Variants in DHX57 observed in about 807,000 individuals in gnomAD.
The protein encoded by DHX57 is putative ATP-dependent RNA helicase DHX57.
In DHX57, 105 loss-of-function variants were observed where a neutral mutation model predicts 156.2. The ratio of observed to expected loss-of-function variants is 0.67; its 90% CI spans 0.57 to 0.79. DHX57 has a LOEUF of 0.79. Ranked by LOEUF, DHX57 falls within the 30% of genes least tolerant of loss-of-function variation. DHX57 has a pLI of 0.00. For missense variants in DHX57, 1,847 were observed against 1,661.9 expected, an observed-to-expected ratio of 1.11 and a Z score of -1.94; for synonymous variants, 704 against 595.6, an observed-to-expected ratio of 1.18 and a Z score of -2.65.
intron 20 of DHX57, among the ~76,000 whole-genome samples, chr2:38,815,300 A>C (rs577006397): frequency 1.6e-4 from 25 of 152,104 alleles, no homozygotes; most frequent in African/African-American, 5.8e-4. Flanking sequence ...CCTGAGCTCA[A>C]GCAATCCACC....
At chr2:38,836,423 C>T (rs1056205035) in intron 13 of DHX57, among the ~76,000 whole-genome samples, 1 of 152,108 alleles carries the variant, frequency 6.6e-6, no homozygotes, top group Non-Finnish European at 1.5e-5. Context: ...TATATTTTCT[C>T]TTCCTTATGA....
In DHX57 at chr2:38,828,452, G is replaced by C. The variant is rs375493410; in HGVS notation, c.2543-16C>G. On this transcript the variant is annotated splice_polypyrimidine_tract_variant and intron_variant, in intron 13 of 23. Transcript: ENST00000457308. The stretch of plus-strand genomic sequence containing the variant: ...AGTATAGCACCTGGGTATATAAAAA[G>C]AATCAATATGTGGGTAAGCATAGGC... The C allele has an allele frequency of 1.3e-6, 2 of 1,572,092 alleles. No homozygotes were observed. The highest frequency in any genetic ancestry group is 1.7e-6 in the Non-Finnish European group (2 of 1,152,392).
At chr2:38,816,055 T>C (rs1670531849) in intron 19 of DHX57, 1 of 462,600 alleles carries the variant, frequency 2.2e-6, no homozygotes, top group East Asian at 6.9e-5. Flanking sequence ...ACCTAGCTTT[T>C]CCTACTTGCA....
intron 21 of DHX57, 66 bp from the exon 22 acceptor site, chr2:38,806,759 G>C (rs980432803): frequency 9.2e-5 from 134 of 1,460,556 alleles, no homozygotes; most frequent in Middle Eastern, 4.3e-4. Flanking sequence ...GTATCTCTTG[G>C]CACAAAAGCA....
Position 38,802,721 on chromosome 2 carries a change from G to T in DHX57, c.4011C>A (p.Ser1337=). 1 of 1,613,898 alleles carries T rather than the reference G, an allele frequency of 6.2e-7. No individual in the cohort carries two copies. The highest frequency in any genetic ancestry group is 2.2e-5 in the East Asian group (1 of 44,886). The change falls in exon 23 of 24, where the codon TCC becomes TCA. Residue 1337 remains serine, a synonymous_variant. Transcript: ENST00000457308. ...DDGWIRFVAA[S]HQVAELVKEL... ...AGACCAATTCTGCCTTTACCTGATG[G>T]GAAGCAGCTACAAAACGGATCCAAC... is the stretch of plus-strand genomic sequence containing the variant.
In DHX57 at chr2:38,823,221, G is replaced by C. The variant is rs1670918213; in HGVS notation, c.3063C>G (p.Phe1021Leu). The change falls in exon 17 of 24, where the codon TTC (phenylalanine) becomes TTG (leucine). Residue 1021 changes from phenylalanine (F) to leucine (L), a missense_variant. Coordinates refer to ENST00000457308, the MANE Select transcript of DHX57 (RefSeq NM_198963.3). ...MFSAHNLQSV[F>L]SRLIEPPHTD... ...TGTGTGGAGGTTCAATGAGCCGAGAGAACACAGACTGGAGATTATGAGCAC... is the reference window on the plus strand; with the variant it reads ...TGTGTGGAGGTTCAATGAGCCGAGACAACACAGACTGGAGATTATGAGCAC... The C allele has an allele frequency of 1.2e-6, 2 of 1,614,112 alleles. No individual in the cohort carries two copies. Among genetic ancestry groups the C allele is most frequent in the Non-Finnish European group, 1.7e-6 (2 of 1,180,030 alleles).
rs1056333923 is a variant in DHX57, at chr2:38,833,935, T to G, written c.2542+3896A>C. Among the ~76,000 whole-genome samples, 6 of 152,228 alleles carry G rather than the reference T, an allele frequency of 3.9e-5. No individual in the cohort carries two copies. In the South Asian group the frequency reaches 6.2e-4, roughly 16 times the overall value. On this transcript the variant is annotated intron_variant, in intron 13 of 23. Coordinates refer to ENST00000457308, the MANE Select transcript of DHX57 (RefSeq NM_198963.3). ...TTATATCATAAAATACACACAAACC[T>G]ATTATAAAAGGTTAAAATAATCAAA...
chr2:38,798,204 C>T lies in DHX57; in HGVS notation c.*95G>A, dbSNP rs1299613408. ...CCCTGGGCTCCTCCACCAGGGCCAG[C>T]CCCAATAGGTCTTTAGTTCGAGGTA... On this transcript the variant is annotated 3_prime_UTR_variant, in exon 24 of 24. Coordinates refer to ENST00000457308, the MANE Select transcript of DHX57 (RefSeq NM_198963.3). The T allele has an allele frequency of 2.7e-6, 4 of 1,507,282 alleles. 1 individual carries two copies. Among genetic ancestry groups the T allele is most frequent in the Middle Eastern group, 3.6e-4 (2 of 5,580 alleles). 93.4% of individuals were successfully genotyped at this position (1,507,282 alleles called of 1,614,324 possible).
intron 21 of DHX57, chr2:38,811,324 A>G (rs761830386): frequency 1.9e-6 from 1 of 523,238 alleles, no homozygotes; most frequent in Non-Finnish European, 3.8e-6. Context: ...TTCCCATGGC[A>G]CTGTGGGACA....
chr2:38,872,244 A>G (rs555574001), intron 1 of DHX57, among the ~76,000 whole-genome samples: 1 of 152,238 alleles, frequency 6.6e-6, no homozygotes, highest in Non-Finnish European at 1.5e-5. Context: ...CAAAGCAATC[A>G]CAAAAATACT....
intron 2 of DHX57, 45 bp from the exon 3 acceptor site, chr2:38,863,564 G>C (rs1278483249): frequency 1.9e-6 from 3 of 1,579,378 alleles, no homozygotes; most frequent in Non-Finnish European, 2.6e-6. Context: ...TCTTCAATCA[G>C]AACTTTTACA....
chr2:38,838,312 G>A (rs1671794185), intron 12 of DHX57, among the ~76,000 whole-genome samples: 1 of 152,052 alleles, frequency 6.6e-6, no homozygotes, highest in African/African-American at 2.4e-5. Context: ...TGTTGCCCAG[G>A]CTGGTCTCGA....
chr2:38,801,619 A>C (rs1383979927), intron 23 of DHX57, among the ~76,000 whole-genome samples: 1 of 140,108 alleles, frequency 7.1e-6, no homozygotes, highest in Non-Finnish European at 1.5e-5. Flanking sequence ...TTTGAGATGG[A>C]GTTTCCCTCT....
chr2:38,864,308 G>A (rs945748313), intron 2 of DHX57, among the ~76,000 whole-genome samples: 1 of 150,920 alleles, frequency 6.6e-6, no homozygotes, highest in African/African-American at 2.4e-5. Context: ...ACTTTAAGAG[G>A]CTGAAGTGGT....
intron 13 of DHX57, among the ~76,000 whole-genome samples, chr2:38,830,952 G>C (rs1671348551): frequency 6.6e-6 from 1 of 151,946 alleles, no homozygotes; most frequent in South Asian, 2.1e-4. Flanking sequence ...AAATTTAGTA[G>C]GGCTCGAGAG....
intron 11 of DHX57, among the ~76,000 whole-genome samples, chr2:38,846,201 C>T (rs1672279646): frequency 6.6e-6 from 1 of 152,120 alleles, no homozygotes; most frequent in South Asian, 2.1e-4. Context: ...GCATTATGTG[C>T]CAAGCACAGT....
At chr2:38,810,796 T>C (rs1301499019) in intron 21 of DHX57, 7 of 756,798 alleles carry the variant, frequency 9.2e-6, no homozygotes, top group Non-Finnish European at 1.7e-5. Flanking sequence ...AATGTCTAAA[T>C]GAGGGTGGTA....
At chr2:38,800,033 C>A (rs183017903) in intron 23 of DHX57, among the ~76,000 whole-genome samples, 1 of 151,644 alleles carries the variant, frequency 6.6e-6, no homozygotes, top group Non-Finnish European at 1.5e-5. Context: ...ACTAAAAATA[C>A]AAAATTAGCC....
At chr2:38,827,505 A>AAAAAAAAAAAT (rs1553326974) in intron 14 of DHX57, among the ~76,000 whole-genome samples, 3 of 10,140 alleles carry the variant, frequency 3.0e-4, no homozygotes, top group African/African-American at 4.2e-4. Flanking sequence ...AAAAAAAAAA[A>AAAAAAAAAAAT]ATATATATAT....
Sources: allele counts gnomAD v4.1 joint callset (sites outside exome capture counted in the v4.1 genomes callset), GRCh38; gene constraint gnomAD v4.1.1; transcripts MANE v1.5; gene names NCBI Gene and HGNC (gene_info 2026-07-23, HGNC 2026-07-21).